PPM1H: variants seen among roughly 807,000 people sequenced by gnomAD.
PPM1H encodes the protein protein phosphatase 1H.
Under a neutral mutation model 54.9 loss-of-function variants are expected in PPM1H, and 27 were observed. That is an observed-to-expected ratio of 0.49 (90% CI 0.36 to 0.68). The LOEUF is 0.68. Among genes scored for constraint, PPM1H ranks in the 30% least tolerant of loss-of-function variants. The pLI, the probability that PPM1H is intolerant of heterozygous loss-of-function variation, is 0.00. For synonymous variants in PPM1H, 305 were observed against 270.8 expected (o/e 1.13, Z -1.24); for missense variants, 596 against 667.8 (o/e 0.89, Z 1.19).
intron 4 of PPM1H, among the ~76,000 whole-genome samples, chr12:62,754,268 A>G (rs1318342995): frequency 6.6e-6 from 1 of 152,216 alleles, no homozygotes; most frequent in Non-Finnish European, 1.5e-5. Flanking sequence ...GAGAGTTGGT[A>G]TCCAGTCTTG....
At chr12:62,837,694 C>T (rs1309891889) in intron 1 of PPM1H, among the ~76,000 whole-genome samples, 1 of 152,190 alleles carries the variant, frequency 6.6e-6, no homozygotes, top group Non-Finnish European at 1.5e-5. Context: ...AATGCTCTAG[C>T]ATGAAAAGTA....
At chr12:62,839,662 C>CAA (rs34178089) in intron 1 of PPM1H, among the ~76,000 whole-genome samples, 4 of 131,232 alleles carry the variant, frequency 3.0e-5, no homozygotes, top group Non-Finnish European at 5.1e-5. Flanking sequence ...TGAGTAAATC[C>CAA]AAAAAAAAAA....
Position 62,776,460 on chromosome 12 carries a change from T to C in PPM1H, c.869+11766A>G, listed in dbSNP as rs567544014. The stretch of plus-strand genomic sequence containing the variant: ...TTTCCATACTGGTTTGCAAGCTCCA[T>C]GAAGGCAGGGTTTTTTTGATCATAG... On this transcript the variant is annotated intron_variant, in intron 4 of 9. Transcript: ENST00000228705. Among the ~76,000 whole-genome samples, 4 of 152,350 alleles carry C rather than the reference T, an allele frequency of 2.6e-5. No homozygotes were observed. In the East Asian group the frequency reaches 5.8e-4, roughly 22 times the overall value.
In PPM1H at chr12:62,720,198, A is replaced by G. The variant is rs1265326038; in HGVS notation, c.1046T>C (p.Leu349Pro). 1.2e-6 allele frequency: 2 copies of G among 1,611,284 alleles called. No individual in the cohort carries two copies. The highest frequency in any genetic ancestry group is 1.7e-6 in the Non-Finnish European group (2 of 1,177,560). ...GCCTGTCATATTAAAGTCCCTGTAG[A>G]GCATCTTCTTTCCAAGCTCCTTTCT... ...VQRKELGKKM[L>P]YRDFNMTGWA... is the part of the protein sequence containing the mutation. Residue 349 changes from leucine to proline, a missense_variant, in exon 6 of 10, where the codon CTC (leucine) becomes CCC (proline). Leu to Pro is a moderately conservative substitution (Grantham distance 98). Transcript: ENST00000228705.
At chr12:62,739,467 G>A (rs960115533) in intron 4 of PPM1H, among the ~76,000 whole-genome samples, 4 of 152,200 alleles carry the variant, frequency 2.6e-5, no homozygotes, top group South Asian at 2.1e-4. Flanking sequence ...CTGAGAATTC[G>A]GGGAGCTGGA....
At chr12:62,789,319 A>G (rs1592599769) in intron 3 of PPM1H, among the ~76,000 whole-genome samples, 1 of 152,134 alleles carries the variant, frequency 6.6e-6, no homozygotes, top group East Asian at 1.9e-4. Context: ...AATGTTTTAA[A>G]CTCCAAAGTC....
intron 1 of PPM1H, among the ~76,000 whole-genome samples, chr12:62,860,455 T>C (rs1285590057): frequency 1.3e-5 from 2 of 152,134 alleles, no homozygotes; most frequent in East Asian, 3.9e-4. Flanking sequence ...ATATATCCAT[T>C]TAAAAAATCA....
At chr12:62,649,886 A>C (rs1223557716) in intron 9 of PPM1H, among the ~76,000 whole-genome samples, 1 of 152,226 alleles carries the variant, frequency 6.6e-6, no homozygotes, top group Non-Finnish European at 1.5e-5. Flanking sequence ...CAGTTTCTGA[A>C]CCTGAAAAGC....
chr12:62,891,247 A>C (rs749893980), intron 1 of PPM1H, among the ~76,000 whole-genome samples: 1 of 152,154 alleles, frequency 6.6e-6, no homozygotes, highest in East Asian at 1.9e-4. Flanking sequence ...TACTCATATC[A>C]TACCTATATG....
intron 1 of PPM1H, among the ~76,000 whole-genome samples, chr12:62,904,689 T>A (rs983811966): frequency 6.6e-6 from 1 of 152,168 alleles, no homozygotes; most frequent in South Asian, 2.1e-4. Context: ...AATAAAGACA[T>A]TTTAAAGCTA....
At position 62,783,829 on chromosome 12, in the gene PPM1H, C is replaced by T. The variant is rs551527971; in HGVS notation, c.869+4397G>A. ...CTTCACCCAGTCTCAGTTGCTAAAC[C>T]TTTAGACATTGTTTAAAATACGTGG... On this transcript the variant is annotated intron_variant, in intron 4 of 9. Transcript: ENST00000228705. Among the ~76,000 whole-genome samples, 7 of 152,096 alleles carry T rather than the reference C, an allele frequency of 4.6e-5. No individual in the cohort carries two copies. In the South Asian group the frequency reaches 1.5e-3, roughly 32 times the overall value.
chr12:62,664,211 T>G (rs999019874), intron 9 of PPM1H, among the ~76,000 whole-genome samples: 1 of 152,160 alleles, frequency 6.6e-6, no homozygotes, highest in Admixed American at 6.5e-5. Flanking sequence ...GCTCATGGCA[T>G]AGAGGGATAA....
chr12:62,743,213 T>C (rs1200227160), intron 4 of PPM1H, among the ~76,000 whole-genome samples: 2 of 151,896 alleles, frequency 1.3e-5, no homozygotes, highest in East Asian at 3.9e-4. Context: ...ATTAGCTGGG[T>C]GTGGTGGCAG....
chr12:62,752,264 A>T (rs1263687690), intron 4 of PPM1H, among the ~76,000 whole-genome samples: 1 of 152,242 alleles, frequency 6.6e-6, no homozygotes, highest in East Asian at 1.9e-4. Flanking sequence ...AAACTCACAT[A>T]TAAGAGTCAG....
chr12:62,647,711 A>G lies in PPM1H; in HGVS notation c.*778T>C, dbSNP rs1183108140. On this transcript the variant is annotated 3_prime_UTR_variant, in exon 10 of 10. Transcript: ENST00000228705. Reference sequence around the variant, plus strand: ...GTTAGAAAATGCAACTTGGGAACAAACATTACACAACAAAGACCCTCTGTC... The same window carrying G: ...GTTAGAAAATGCAACTTGGGAACAAGCATTACACAACAAAGACCCTCTGTC... 1 of 152,284 alleles carries G rather than the reference A, an allele frequency of 6.6e-6. No individual in the cohort carries two copies. Among genetic ancestry groups the G allele is most frequent in the Non-Finnish European group, 1.5e-5 (1 of 68,136 alleles). 9.4% of individuals were successfully genotyped at this position (152,284 alleles called of 1,614,324 possible). A position where few individuals can be genotyped will look rare whatever the true frequency, so the allele number is the denominator to read the frequency against.
intron 2 of PPM1H, among the ~76,000 whole-genome samples, chr12:62,827,943 T>C (rs1404624118): frequency 6.6e-6 from 1 of 152,162 alleles, no homozygotes; most frequent in East Asian, 1.9e-4. Flanking sequence ...GACTCAGCAT[T>C]AGGAGGATGG....
rs533987845 is a variant in PPM1H at position 62,644,259 on chromosome 12, A to T, written c.*4230T>A. The stretch of plus-strand genomic sequence containing the variant: ...GTTTTGGAAACCCAGACCATGATCC[A>T]TTCCTTACAAATGATCTCCACCATG... On this transcript the variant is annotated 3_prime_UTR_variant, in exon 10 of 10. Transcript: ENST00000228705. 6.6e-6 allele frequency: 1 copy of T among 152,306 alleles called. No homozygotes were observed. The highest frequency in any genetic ancestry group is 1.9e-4 in the East Asian group (1 of 5,182). The allele number at this position is 152,306 out of a possible 1,614,324, so 9.4% of individuals were successfully genotyped here.
intron 1 of PPM1H, among the ~76,000 whole-genome samples, chr12:62,929,592 G>T (rs560117057): frequency 1.3e-5 from 2 of 152,118 alleles, no homozygotes; most frequent in African/African-American, 4.8e-5. Flanking sequence ...ACCTAAACTG[G>T]GACTGAAACA....
At chr12:62,824,923 C>T (rs1482848361) in intron 2 of PPM1H, among the ~76,000 whole-genome samples, 5 of 152,100 alleles carry the variant, frequency 3.3e-5, no homozygotes, top group African/African-American at 9.7e-5. Flanking sequence ...AACTGAAGAG[C>T]TTTTGCACAG....
Sources: allele counts gnomAD v4.1 joint callset (sites outside exome capture counted in the v4.1 genomes callset), GRCh38; gene constraint gnomAD v4.1.1; transcripts MANE v1.5; gene names NCBI Gene and HGNC (gene_info 2026-07-23, HGNC 2026-07-21).